ANKRD27: variants seen among roughly 807,000 people sequenced by gnomAD.
ANKRD27 encodes ankyrin repeat domain-containing protein 27.
A neutral mutation model predicts 129.7 loss-of-function variants in ANKRD27; 112 were observed. The observed-to-expected ratio is 0.86, with a 90% confidence interval of 0.74 to 1.01. ANKRD27 has a LOEUF of 1.01. Ranked by LOEUF, ANKRD27 falls within the 50% of genes least tolerant of loss-of-function variation. The probability of loss-of-function intolerance (pLI) is 0.00; values close to 1 mark genes in which losing one functional copy is unlikely to be tolerated. For missense variants in ANKRD27, 1,258 were observed against 1,300.5 expected, an observed-to-expected ratio of 0.97 and a Z score of 0.50; for synonymous variants, 516 against 511.2, an observed-to-expected ratio of 1.01 and a Z score of -0.13.
intron 18 of ANKRD27, 48 bp downstream of exon 18, chr19:32,622,374 C>A: frequency 6.3e-7 from 1 of 1,598,130 alleles, no homozygotes; most frequent in Non-Finnish European, 8.6e-7. Context: ...CTACGGACAT[C>A]GATCTTCTTT....
chr19:32,621,854 G>A (rs1319121132), intron 18 of ANKRD27, among the ~76,000 whole-genome samples: 3 of 152,084 alleles, frequency 2.0e-5, no homozygotes, highest in Non-Finnish European at 2.9e-5. Flanking sequence ...CTCTGCTGCC[G>A]GGAGACGAGA....
chr19:32,650,170 G>A (rs1204015113), intron 2 of ANKRD27, among the ~76,000 whole-genome samples: 1 of 152,158 alleles, frequency 6.6e-6, no homozygotes, highest in African/African-American at 2.4e-5. Flanking sequence ...AGGACCCAGG[G>A]GCTCAGGGAC....
At chr19:32,610,089 A>G (rs1049879069) in intron 22 of ANKRD27, among the ~76,000 whole-genome samples, 1 of 152,136 alleles carries the variant, frequency 6.6e-6, no homozygotes, top group Non-Finnish European at 1.5e-5. Context: ...AGGCAGGTGG[A>G]TCATGAGGTC....
intron 12 of ANKRD27, among the ~76,000 whole-genome samples, chr19:32,633,705 GA>G (rs1246297709): frequency 6.6e-6 from 1 of 151,684 alleles, no homozygotes; most frequent in Non-Finnish European, 1.5e-5. Flanking sequence ...TCAGAAAGCT[GA>G]AGTCTTCATT....
chr19:32,644,532 C>T, intron 4 of ANKRD27, 53 bp from the exon 5 acceptor site: 2 of 1,598,554 alleles, frequency 1.3e-6, no homozygotes, highest in Non-Finnish European at 1.7e-6. Flanking sequence ...TGGTTCCTGA[C>T]TCTGTCCTAT....
chr19:32,607,707 C>T lies in ANKRD27; in HGVS notation c.2301G>A (p.Gly767=), dbSNP rs750284658. 1 of 1,612,978 alleles carries T rather than the reference C, an allele frequency of 6.2e-7. No individual in the cohort carries two copies. The highest frequency in any genetic ancestry group is 8.5e-7 in the Non-Finnish European group (1 of 1,179,732). Residue 767 remains glycine (G), a synonymous_variant, in exon 23 of 29, where the codon GGG becomes GGA. Coordinates refer to ENST00000306065, the MANE Select transcript of ANKRD27 (RefSeq NM_032139.3). The part of the protein sequence containing the change: ...ADLIPLLLKH[G]ANAGARNADQ... ...CTGCGTTCCTGGCACCTGCGTTGGC[C>T]CCGTGCTTCAGCAGGAGGGGGATGA... is the stretch of plus-strand genomic sequence containing the variant.
chr19:32,640,311 T>C lies in ANKRD27; in HGVS notation c.979A>G (p.Asn327Asp). 1 of 1,613,098 alleles carries C rather than the reference T, an allele frequency of 6.2e-7. No homozygotes were observed. The highest frequency in any genetic ancestry group is 1.1e-5 in the South Asian group (1 of 91,046). Reference protein sequence around the residue: ...LYLLVKTEIPNWMANLSYIKN... With the variant: ...LYLLVKTEIPDWMANLSYIKN... ...TATCTTAAAAGAAAATGTTACCAAT[T>C]AGGGATCTCCGTTTTCACAAGCAAG... is the stretch of plus-strand genomic sequence containing the variant. Residue 327 changes from asparagine (N) to aspartate (D), a missense_variant, in exon 11 of 29, where the codon AAT becomes GAT. Asn to Asp is a conservative substitution (Grantham distance 23). Coordinates refer to ENST00000306065, the MANE Select transcript of ANKRD27 (RefSeq NM_032139.3).
chr19:32,615,651 G>C lies in ANKRD27; in HGVS notation c.2175+7C>G. ...CCTGACCTCCACCAACAGAAACAAA[G>C]CCAAACCTTCTGAGCTGGGGCACAC... On this transcript the variant is annotated splice_region_variant and intron_variant, in intron 22 of 28. Transcript: ENST00000306065. 1 of 1,614,076 alleles carries C rather than the reference G, an allele frequency of 6.2e-7. No individual in the cohort carries two copies. The highest frequency in any genetic ancestry group is 8.5e-7 in the Non-Finnish European group (1 of 1,180,016).
At position 32,622,629 on chromosome 19, in the gene ANKRD27, G is replaced by C. The variant is rs370776920; in HGVS notation, c.1630-10C>G. 3.7e-6 allele frequency: 6 copies of C among 1,612,978 alleles called. No homozygotes were observed. The African/African-American group carries it at 8.0e-5, about 22-fold the overall frequency. On this transcript the variant is annotated splice_polypyrimidine_tract_variant and intron_variant, in intron 17 of 28. Transcript: ENST00000306065. ...CCAGAGCCTTCACACACTGCAAAGA[G>C]ATGGGGAAATGGCATCGCTCATGGA...
rs569134998 is a variant in ANKRD27 at position 32,670,991 on chromosome 19, A to C, written c.-31+4080T>G. On this transcript the variant is annotated intron_variant, in intron 1 of 28. Transcript: ENST00000306065. ...ACGGAGTGAGACTCCATTTCAAAAAATGACAAAAAAAAATCTGTAATATGC... is the reference window on the plus strand; with the variant it reads ...ACGGAGTGAGACTCCATTTCAAAAACTGACAAAAAAAAATCTGTAATATGC... Among the ~76,000 whole-genome samples, 4 of 151,562 alleles carry C rather than the reference A, an allele frequency of 2.6e-5. No individual in the cohort carries two copies. In the South Asian group the frequency reaches 8.3e-4, roughly 31 times the overall value.
At chr19:32,652,373 T>C (rs1489368186) in intron 2 of ANKRD27, among the ~76,000 whole-genome samples, 3 of 152,050 alleles carry the variant, frequency 2.0e-5, no homozygotes, top group Non-Finnish European at 4.4e-5. Flanking sequence ...GTGGATCACC[T>C]GAGGTCAGGA....
At chr19:32,663,322 C>T (rs981475847) in intron 1 of ANKRD27, among the ~76,000 whole-genome samples, 6 of 152,142 alleles carry the variant, frequency 3.9e-5, no homozygotes, top group Non-Finnish European at 7.3e-5. Flanking sequence ...ACTCACACAA[C>T]GTAGGAAGTA....
intron 1 of ANKRD27, among the ~76,000 whole-genome samples, chr19:32,659,328 C>A (rs372498307): frequency 2.6e-5 from 4 of 151,926 alleles, no homozygotes; most frequent in Admixed American, 2.6e-4. Flanking sequence ...GTGATCTGCC[C>A]GCCTCAGCCT....
chr19:32,616,986 T>G (rs1179863794), intron 21 of ANKRD27, among the ~76,000 whole-genome samples: 1 of 152,168 alleles, frequency 6.6e-6, no homozygotes, highest in African/African-American at 2.4e-5. Flanking sequence ...ACTCTGTGCC[T>G]CGGACATGGT....
chr19:32,607,296 C>T (rs563631351), intron 23 of ANKRD27, among the ~76,000 whole-genome samples: 4 of 152,068 alleles, frequency 2.6e-5, no homozygotes, highest in Non-Finnish European at 5.9e-5. Context: ...AAGGCACTGT[C>T]GGGGTGTAAA....
chr19:32,675,034 G>A (rs1166817193), intron 1 of ANKRD27, 37 bp downstream of exon 1: 3 of 152,272 alleles, frequency 2.0e-5, no homozygotes, highest in Non-Finnish European at 4.4e-5. Context: ...CCCGCGGGAG[G>A]GGAGGCGCAG....
chr19:32,612,088 A>G (rs1055534346), intron 22 of ANKRD27, among the ~76,000 whole-genome samples: 2 of 152,216 alleles, frequency 1.3e-5, no homozygotes, highest in African/African-American at 4.8e-5. Flanking sequence ...TAGCTAACAC[A>G]TGAATGCATG....
Position 32,649,664 on chromosome 19 carries a change from C to A in ANKRD27, c.213+18G>T. 6.4e-7 allele frequency: 1 copy of A among 1,552,722 alleles called. No individual in the cohort carries two copies. The highest frequency in any genetic ancestry group is 8.9e-7 in the Non-Finnish European group (1 of 1,124,594). On this transcript the variant is annotated intron_variant, in intron 3 of 28. Transcript: ENST00000306065. ...CACCGAGTAGGTGACCCTGGCTGAT[C>A]CACCAAGAAATGAATACCTTTCCAT...
chr19:32,646,466 C>A lies in ANKRD27; in HGVS notation c.363G>T (p.Glu121Asp), dbSNP rs1289920407. The A allele has an allele frequency of 6.2e-7, 1 of 1,604,614 alleles. No individual in the cohort carries two copies. Among genetic ancestry groups the A allele is most frequent in the Admixed American group, 1.8e-5 (1 of 56,538 alleles). ...TTTTTTCTCCCAGAATACCTGAACTCTCTCTCTTTTCCAAAGGATGGGCTA... is the reference window on the plus strand; with the variant it reads ...TTTTTTCTCCCAGAATACCTGAACTATCTCTCTTTTCCAAAGGATGGGCTA... ...LCIAHPLEKR[E>D]SSEEPLAPSD... is the part of the protein sequence containing the mutation. Residue 121 changes from glutamate (E) to aspartate (D), a missense_variant, in exon 4 of 29, where the codon GAG (glutamate) becomes GAT (aspartate). Physicochemically the swap from Glu to Asp is conservative, Grantham distance 45 (BLOSUM62 2). Transcript: ENST00000306065.
Sources: allele counts gnomAD v4.1 joint callset (sites outside exome capture counted in the v4.1 genomes callset), GRCh38; gene constraint gnomAD v4.1.1; transcripts MANE v1.5; gene names NCBI Gene and HGNC (gene_info 2026-07-23, HGNC 2026-07-21).